AMD1: variants seen among roughly 807,000 people sequenced by gnomAD.
The protein encoded by AMD1 is S-adenosylmethionine decarboxylase proenzyme.
In AMD1, 11 loss-of-function variants were observed where a neutral mutation model predicts 40.2. That is an observed-to-expected ratio of 0.27 (90% confidence interval 0.17 to 0.45). The LOEUF is 0.45. Among genes scored for constraint, AMD1 ranks in the 20% least tolerant of loss-of-function variants. AMD1 has a pLI of 1.00. For missense variants in AMD1, 257 were observed against 410.2 expected (o/e 0.63, Z 3.23); for synonymous variants, 121 against 130.8 (o/e 0.93, Z 0.51).
At chr6:110,859,276 T>A in the AMD1 span, 20 of 369,782 alleles carry the variant, frequency 5.4e-5, no homozygotes, top group Non-Finnish European at 1.0e-4. Flanking sequence ...AGTGGCGGTG[T>A]GGGATCAGGG....
chr6:110,878,405 A>G (rs1289855763), intron 1 of AMD1, among the ~76,000 whole-genome samples: 2 of 152,350 alleles, frequency 1.3e-5, no homozygotes, highest in South Asian at 2.1e-4. Flanking sequence ...CTTGTAGACC[A>G]TTTAAGATAT....
At chr6:110,886,387 T>C (rs1562338168) in intron 1 of AMD1, among the ~76,000 whole-genome samples, 1 of 152,050 alleles carries the variant, frequency 6.6e-6, no homozygotes. Context: ...AATCCCAAAG[T>C]GCTAGGATTA....
rs1033155577 is a variant in AMD1 at position 110,893,873 on chromosome 6, A to G, written c.*257A>G. ...TGCTGTGAAATTGAAGTGCATGTAGAAAAAACCTTTTACTATATGAAACTT... is the reference window on the plus strand; with the variant it reads ...TGCTGTGAAATTGAAGTGCATGTAGGAAAAACCTTTTACTATATGAAACTT... On this transcript the variant is annotated 3_prime_UTR_variant, in exon 9 of 9. Coordinates refer to ENST00000368885, the MANE Select transcript of AMD1 (RefSeq NM_001634.6). 1.5e-5 allele frequency: 6 copies of G among 400,696 alleles called. No individual in the cohort carries two copies. The highest frequency in any genetic ancestry group is 2.7e-5 in the Non-Finnish European group (6 of 220,052). 24.8% of individuals were successfully genotyped at this position (400,696 alleles called of 1,614,324 possible).
At chr6:110,860,089 A>G in the AMD1 span, among the ~76,000 whole-genome samples, 1 of 152,072 alleles carries the variant, frequency 6.6e-6, no homozygotes, top group Non-Finnish European at 1.5e-5. Context: ...GGCCTCCCCA[A>G]GTGCTGGAAT....
At chr6:110,855,415 C>A in the AMD1 span, among the ~76,000 whole-genome samples, 1 of 152,050 alleles carries the variant, frequency 6.6e-6, no homozygotes, top group Admixed American at 6.6e-5. Flanking sequence ...AATTTGCTTA[C>A]AAATTATAGT....
the AMD1 span, among the ~76,000 whole-genome samples, chr6:110,830,856 T>A: frequency 2.0e-5 from 3 of 152,100 alleles, no homozygotes; most frequent in Non-Finnish European, 2.9e-5. Context: ...CTCAAGCAAT[T>A]CTCCCACCTC....
chr6:110,830,472 C>A, the AMD1 span, among the ~76,000 whole-genome samples: 1 of 152,178 alleles, frequency 6.6e-6, no homozygotes, highest in Non-Finnish European at 1.5e-5. Flanking sequence ...ACATGCCTAC[C>A]AGCACAATGG....
At chr6:110,887,332 T>C (rs773027934) in intron 1 of AMD1, among the ~76,000 whole-genome samples, 173 bp from the exon 2 acceptor site, 10 of 152,202 alleles carry the variant, frequency 6.6e-5, no homozygotes, top group South Asian at 2.1e-4. Context: ...TAGCATAATA[T>C]ACCTATCATT....
In AMD1 at chr6:110,890,299, G is replaced by C; in HGVS notation, c.370G>C (p.Gly124Arg). The C allele has an allele frequency of 6.3e-7, 1 of 1,595,780 alleles. No individual in the cohort carries two copies. Among genetic ancestry groups the C allele is most frequent in the East Asian group, 2.3e-5 (1 of 44,432 alleles). ...GAATTTCATGAAGCCTTCTCACCAAGGGTACCCACACCGGAATTTCCAGGA... is the reference window on the plus strand; with the variant it reads ...GAATTTCATGAAGCCTTCTCACCAACGGTACCCACACCGGAATTTCCAGGA... ...RKNFMKPSHQ[G>R]YPHRNFQEEI... Residue 124 changes from glycine (G) to arginine (R), a missense_variant, in exon 4 of 9, where the codon GGG becomes CGG. Transcript: ENST00000368885.
chr6:110,841,951 C>T, the AMD1 span, among the ~76,000 whole-genome samples: 4 of 152,012 alleles, frequency 2.6e-5, no homozygotes, highest in African/African-American at 4.8e-5. Flanking sequence ...TACAGGTGTG[C>T]ACCACCACGC....
At chr6:110,841,374 A>G in the AMD1 span, among the ~76,000 whole-genome samples, 1 of 152,242 alleles carries the variant, frequency 6.6e-6, no homozygotes, top group African/African-American at 2.4e-5. Context: ...TAGCTGTTAG[A>G]TATAAGGGAA....
the AMD1 span, among the ~76,000 whole-genome samples, chr6:110,847,250 G>A: frequency 1.3e-5 from 2 of 151,928 alleles, no homozygotes; most frequent in South Asian, 4.2e-4. Flanking sequence ...TAAAGACCGG[G>A]CACAGTGGCT....
chr6:110,834,442 A>G, the AMD1 span, among the ~76,000 whole-genome samples: 2 of 152,212 alleles, frequency 1.3e-5, no homozygotes, highest in African/African-American at 4.8e-5. Context: ...TTACATCTCT[A>G]TATCAAATGT....
At chr6:110,859,097 G>T in the AMD1 span, 1 of 1,330,868 alleles carries the variant, frequency 7.5e-7, no homozygotes, top group Non-Finnish European at 1.1e-6. Context: ...CGCAGGCTCG[G>T]GGGAGGTCCC....
At position 110,892,581 on chromosome 6, in the gene AMD1, C is replaced by T. The variant is rs559577327; in HGVS notation, c.615+138C>T. On this transcript the variant is annotated intron_variant, in intron 6 of 8. Transcript: ENST00000368885. ...GTAAACTTGTGTCATGGGGGTTTGT[C>T]GTACACAGTATTTCGTCACCCAGGT... is the stretch of plus-strand genomic sequence containing the variant. The T allele has an allele frequency of 1.7e-4, 236 of 1,412,006 alleles. 3 individuals carry two copies. In the South Asian group the frequency reaches 2.6e-3, roughly 15 times the overall value. The allele number at this position is 1,412,006 out of a possible 1,614,324, so 87.5% of individuals were successfully genotyped here.
chr6:110,858,920 T>G, the AMD1 span: 1 of 902,010 alleles, frequency 1.1e-6, no homozygotes, highest in African/African-American at 1.6e-5. Context: ...GGGACCCGGT[T>G]GACACCAAGC....
At position 110,875,224 on chromosome 6, in the gene AMD1, C is replaced by T. The variant is rs1201623954; in HGVS notation, c.110+9C>T. 2 of 1,593,468 alleles carry T rather than the reference C, an allele frequency of 1.3e-6. No individual in the cohort carries two copies. The highest frequency in any genetic ancestry group is 1.1e-5 in the South Asian group (1 of 88,478). On this transcript the variant is annotated intron_variant, in intron 1 of 8. Coordinates refer to ENST00000368885, the MANE Select transcript of AMD1 (RefSeq NM_001634.6). ...CTTCGCACTATCCCAAGGTGGGTCCCCGGGGCGCTCGCTGACATCCGGGCC... is the reference window on the plus strand; with the variant it reads ...CTTCGCACTATCCCAAGGTGGGTCCTCGGGGCGCTCGCTGACATCCGGGCC...
At chr6:110,815,027 T>G in the AMD1 span, 1 of 1,604,070 alleles carries the variant, frequency 6.2e-7, no homozygotes. Context: ...CCGCCTCGCC[T>G]TGTAGACGTG....
chr6:110,815,159 A>C, the AMD1 span: 2 of 1,565,070 alleles, frequency 1.3e-6, no homozygotes, highest in East Asian at 5.2e-5. Flanking sequence ...CCATAGAGGC[A>C]CGGGACGCGG....
Sources: allele counts gnomAD v4.1 joint callset (sites outside exome capture counted in the v4.1 genomes callset), GRCh38; gene constraint gnomAD v4.1.1; transcripts MANE v1.5; gene names NCBI Gene and HGNC (gene_info 2026-07-23, HGNC 2026-07-21).